HNRNPF: variants seen among roughly 807,000 people sequenced by gnomAD.
HNRNPF encodes the protein HnRNP F protein.
Under a neutral mutation model 26.0 loss-of-function variants are expected in HNRNPF, and 2 were observed. That is an observed-to-expected ratio of 0.08 (90% confidence interval 0.03 to 0.24). HNRNPF has a LOEUF of 0.24. HNRNPF is among the 10% of genes least tolerant of loss of function. HNRNPF has a pLI of 1.00. For missense variants in HNRNPF, 299 were observed against 539.2 expected (o/e 0.55, Z 4.41); for synonymous variants, 234 against 211.5 (o/e 1.11, Z -0.92).
chr10:43,388,041 T>G lies in HNRNPF; in HGVS notation c.-52-105A>C. 2 of 621,674 alleles carry G rather than the reference T, an allele frequency of 3.2e-6. 1 individual carries two copies. Among genetic ancestry groups the G allele is most frequent in the East Asian group, 5.6e-5 (2 of 35,990 alleles). 38.5% of individuals were successfully genotyped at this position (621,674 alleles called of 1,614,324 possible). A position where few individuals can be genotyped will look rare whatever the true frequency, so the allele number is the denominator to read the frequency against. On this transcript the variant is annotated intron_variant, in intron 3 of 3. Coordinates refer to ENST00000682386, the MANE Select transcript of HNRNPF (RefSeq NM_001098204.2). ...CATTAAGAAATATACCAAATACAAT[T>G]GAGAGCTAAGAGTTAACTCCAGGTC...
At chr10:43,407,434 G>T (rs1415504932) in intron 1 of HNRNPF, among the ~76,000 whole-genome samples, 1 of 152,076 alleles carries the variant, frequency 6.6e-6, no homozygotes, top group Non-Finnish European at 1.5e-5. Flanking sequence ...GGAGCCGAGC[G>T]GGGGTCCCAG....
At chr10:43,388,257 A>G (rs902596087) in intron 3 of HNRNPF, among the ~76,000 whole-genome samples, 15 of 152,230 alleles carry the variant, frequency 9.9e-5, no homozygotes, top group Admixed American at 7.2e-4. Context: ...CAGTTCACCT[A>G]TAAGAGCTCC....
chr10:43,388,198 G>C (rs942569118), intron 3 of HNRNPF, among the ~76,000 whole-genome samples: 2 of 152,072 alleles, frequency 1.3e-5, no homozygotes, highest in Non-Finnish European at 2.9e-5. Context: ...TAGAGCAAGG[G>C]CATTTCCTTG....
intron 3 of HNRNPF, 146 bp from the exon 4 acceptor site, chr10:43,388,082 T>C (rs565343245): frequency 3.6e-6 from 2 of 555,758 alleles, no homozygotes; most frequent in South Asian, 5.2e-5. Flanking sequence ...AAAAATTACA[T>C]TATCAGTCAC....
chr10:43,402,733 T>C (rs1175953858), intron 1 of HNRNPF, among the ~76,000 whole-genome samples: 1 of 152,218 alleles, frequency 6.6e-6, no homozygotes, highest in African/African-American at 2.4e-5. Context: ...TAGATGGCAC[T>C]ATTCTAATCA....
rs139366270 is a variant in HNRNPF at position 43,389,946 on chromosome 10, G to A, written c.-52-2010C>T. Among the ~76,000 whole-genome samples, 56 of 152,308 alleles carry A rather than the reference G, an allele frequency of 3.7e-4. No homozygotes were observed. The East Asian group carries it at 0.011, about 29-fold the overall frequency. On this transcript the variant is annotated intron_variant, in intron 3 of 3. Transcript: ENST00000682386. The stretch of plus-strand genomic sequence containing the variant: ...TATAAAATAATCCTGAACGGCAAAT[G>A]ATTGGGCATAAATAATCCTATCCCC...
At chr10:43,393,632 G>C (rs1307514236) in intron 3 of HNRNPF, among the ~76,000 whole-genome samples, 1 of 151,820 alleles carries the variant, frequency 6.6e-6, no homozygotes, top group Non-Finnish European at 1.5e-5. Context: ...ACAGTGGCTA[G>C]GCCTTACTGC....
chr10:43,407,226 A>AGCC (rs962704649), intron 1 of HNRNPF, among the ~76,000 whole-genome samples: 26 of 151,158 alleles, frequency 1.7e-4, no homozygotes, highest in African/African-American at 4.6e-4. Context: ...GGTTCCGGGA[A>AGCC]GCCGCCGCCG....
chr10:43,408,435 G>GT (rs1839000219), intron 1 of HNRNPF, among the ~76,000 whole-genome samples: 1 of 152,088 alleles, frequency 6.6e-6, no homozygotes, highest in African/African-American at 2.4e-5. Flanking sequence ...CTCGAATCCC[G>GT]TCACCCAAAT....
Position 43,386,994 on chromosome 10 carries a change from C to T in HNRNPF, c.891G>A (p.Pro297=), listed in dbSNP as rs554278003. 28 of 1,613,964 alleles carry T rather than the reference C, an allele frequency of 1.7e-5. No individual in the cohort carries two copies. Among genetic ancestry groups the T allele is most frequent in the South Asian group, 3.3e-5 (3 of 91,078 alleles). ...TGHCVHMRGL[P]YKATENDIYN... ...AAATGTCGTTCTCGGTCGCTTTGTACGGCAGGCCCCTCATGTGGACACAGT... is the reference window on the plus strand; with the variant it reads ...AAATGTCGTTCTCGGTCGCTTTGTATGGCAGGCCCCTCATGTGGACACAGT... Residue 297 remains proline, a synonymous_variant, in exon 4 of 4, where the codon CCG becomes CCA. Coordinates refer to ENST00000682386, the MANE Select transcript of HNRNPF (RefSeq NM_001098204.2).
intron 1 of HNRNPF, among the ~76,000 whole-genome samples, chr10:43,398,974 C>A (rs556619657): frequency 6.6e-6 from 1 of 152,276 alleles, no homozygotes; most frequent in East Asian, 1.9e-4. Context: ...ATAGTTCCAG[C>A]CAGATAAAAG....
chr10:43,388,992 G>A (rs894410934), intron 3 of HNRNPF, among the ~76,000 whole-genome samples: 4 of 125,676 alleles, frequency 3.2e-5, no homozygotes, highest in African/African-American at 1.3e-4. Context: ...TTTTTTTTGA[G>A]ACAAGAGTCT....
intron 3 of HNRNPF, among the ~76,000 whole-genome samples, chr10:43,388,857 TA>T (rs1838133350): frequency 2.0e-5 from 3 of 151,704 alleles, no homozygotes; most frequent in Non-Finnish European, 4.4e-5. Flanking sequence ...GCAGGGTCTA[TA>T]ACATAGTCAC....
rs1032535265 is a variant in HNRNPF at position 43,387,831 on chromosome 10, C to T, written c.54G>A (p.Leu18=). 6.2e-7 allele frequency: 1 copy of T among 1,613,868 alleles called. No individual in the cohort carries two copies. Among genetic ancestry groups the T allele is most frequent in the Admixed American group, 1.7e-5 (1 of 59,982 alleles). The change falls in exon 4 of 4, where the codon CTG becomes CTA. Residue 18 remains leucine, a synonymous_variant. Coordinates refer to ENST00000682386, the MANE Select transcript of HNRNPF (RefSeq NM_001098204.2). This position sits in a 1 kb window ranked among gnomAD's most constrained non-coding sequence, Gnocchi z 6.0. Reference sequence around the variant, plus strand: ...CGTCCTCAACAGAGCAGGACCAGGGCAGGCCACGGAGCTTGACCACAAAGC... The same window carrying T: ...CGTCCTCAACAGAGCAGGACCAGGGTAGGCCACGGAGCTTGACCACAAAGC... ...GEGFVVKLRG[L]PWSCSVEDVQ...
rs149892317 is a variant in HNRNPF, at chr10:43,386,925, C to T, written c.960G>A (p.Glu320=). The change falls in exon 4 of 4, where the codon GAG becomes GAA. Residue 320 remains glutamate, a synonymous_variant. Transcript: ENST00000682386. ...CCGTCACTCTTCCATCTGGGCCAAT[C>T]TCAATATGGACTCTCACAGGGTTGA... ...SPLNPVRVHI[E]IGPDGRVTGE... 4.3e-6 allele frequency: 7 copies of T among 1,614,096 alleles called. No individual in the cohort carries two copies. In the African/African-American group the frequency reaches 5.3e-5, roughly 12 times the overall value.
chr10:43,404,318 GAAAACA>G (rs911767889), intron 1 of HNRNPF, among the ~76,000 whole-genome samples: 2 of 144,008 alleles, frequency 1.4e-5, no homozygotes, highest in African/African-American at 5.1e-5. Context: ...AAAAAAAAAG[GAAAACA>G]AAAACAAAAG....
At chr10:43,389,609 T>C (rs1838165397) in intron 3 of HNRNPF, among the ~76,000 whole-genome samples, 1 of 152,238 alleles carries the variant, frequency 6.6e-6, no homozygotes, top group East Asian at 1.9e-4. Flanking sequence ...CAAATTTACC[T>C]GTGTCTACAC....
At chr10:43,408,055 G>A (rs1170081460) in intron 1 of HNRNPF, among the ~76,000 whole-genome samples, 1 of 152,142 alleles carries the variant, frequency 6.6e-6, no homozygotes, top group Non-Finnish European at 1.5e-5. Context: ...CCGAGTAGCT[G>A]GGACAACAGG....
intron 1 of HNRNPF, among the ~76,000 whole-genome samples, chr10:43,404,190 C>A (rs977803227): frequency 1.3e-5 from 2 of 151,166 alleles, no homozygotes; most frequent in East Asian, 1.9e-4. Context: ...CACCTGTAAT[C>A]CCAGCTGCTC....
Sources: gnomAD v4.1 joint callset for allele counts (sites outside exome capture counted in the v4.1 genomes callset) on GRCh38, gnomAD v4.1.1 for gene constraint, Gnocchi (gnomAD v3.1) non-coding constraint, MANE v1.5 for transcripts, NCBI Gene and HGNC (gene_info 2026-07-23, HGNC 2026-07-21) for gene names.